The following NLRP7 variants were observed in gnomAD, a reference collection of about 807,000 sequenced individuals.
NLRP7 encodes NACHT, LRR and PYD domains-containing protein 7.
Under a neutral mutation model 85.5 loss-of-function variants are expected in NLRP7, and 72 were observed. The observed-to-expected ratio is 0.84, with a 90% confidence interval of 0.70 to 1.02. The LOEUF (loss-of-function observed/expected upper bound fraction) is 1.02. NLRP7 is among the 50% of genes least tolerant of loss of function. NLRP7 has a pLI of 0.00. For synonymous variants in NLRP7, 550 were observed against 505.2 expected, an observed-to-expected ratio of 1.09 and a Z score of -1.19; for missense variants, 1,243 against 1,219.5, an observed-to-expected ratio of 1.02 and a Z score of -0.29.
chr19:54,930,997 C>T (rs1602127358), intron 8 of NLRP7, among the ~76,000 whole-genome samples: 2 of 151,094 alleles, frequency 1.3e-5, no homozygotes, highest in Admixed American at 6.6e-5. Context: ...CACTCCAGCC[C>T]GGGCGACAGA....
intron 8 of NLRP7, among the ~76,000 whole-genome samples, chr19:54,931,315 T>C (rs963729757): frequency 2.6e-5 from 4 of 151,414 alleles, no homozygotes; most frequent in African/African-American, 9.7e-5. Context: ...TCTCAGCACT[T>C]TGGGAGACCA....
intron 1 of NLRP7, among the ~76,000 whole-genome samples, chr19:54,959,141 C>CTTTTTTTTTTTTTTTTTTTTTTTTTTT (rs74177888): frequency 7.4e-6 from 1 of 134,670 alleles, no homozygotes; most frequent in Non-Finnish European, 1.6e-5. Flanking sequence ...TTTTCTTTTT[C>CTTTTTTTTTTTTTTTTTTTTTTTTTTT]TTTTTTTTTT....
intron 1 of NLRP7, chr19:54,953,472 C>A (rs1375981167): frequency 3.3e-5 from 5 of 152,052 alleles, no homozygotes; most frequent in Non-Finnish European, 5.9e-5. Flanking sequence ...CTATAGATAA[C>A]CGATTAGGTC....
exon 8 of NLRP7, chr19:54,933,702 C>T (rs1206008319): frequency 6.2e-7 from 1 of 1,614,176 alleles, no homozygotes; most frequent in East Asian, 2.2e-5. Flanking sequence ...GCAGCAAGGT[C>T]CTTGCAACTG....
chr19:54,931,216 GT>G (rs1274763510), intron 8 of NLRP7, among the ~76,000 whole-genome samples: 1 of 152,070 alleles, frequency 6.6e-6, no homozygotes, highest in Admixed American at 6.6e-5. Flanking sequence ...GAGGTCAGGA[GT>G]TCAAGACCAG....
chr19:54,942,360 A>G (rs2069272239), intron 1 of NLRP7, among the ~76,000 whole-genome samples: 1 of 151,932 alleles, frequency 6.6e-6, no homozygotes, highest in East Asian at 1.9e-4. Context: ...ATGTACCTAT[A>G]CCAACGTCCA....
chr19:54,927,688 C>T (rs2068504544), intron 9 of NLRP7: 3 of 1,614,132 alleles, frequency 1.9e-6, no homozygotes, highest in Non-Finnish European at 2.5e-6. Flanking sequence ...GATTCTGGCC[C>T]AGGTCCAGAG....
At chr19:54,958,824 A>G (rs953246281) in intron 1 of NLRP7, among the ~76,000 whole-genome samples, 11 of 152,114 alleles carry the variant, frequency 7.2e-5, no homozygotes, top group Admixed American at 2.0e-4. Flanking sequence ...TCGAGTGCAC[A>G]GTTTCTGTCC....
At chr19:54,938,819 G>T (rs1368699490) in intron 4 of NLRP7, 69 bp downstream of exon 4, 2 of 1,552,606 alleles carry the variant, frequency 1.3e-6, no homozygotes, top group Non-Finnish European at 1.8e-6. Context: ...AATTCTGACA[G>T]TAAGCGACAG....
At chr19:54,944,596 CTT>C (rs2069385514) in intron 1 of NLRP7, among the ~76,000 whole-genome samples, 1 of 152,010 alleles carries the variant, frequency 6.6e-6, no homozygotes, top group African/African-American at 2.4e-5. Context: ...GTGTCTCTTT[CTT>C]TTCTCAGTCT....
chr19:54,962,220 C>A (rs1487192615), intron 1 of NLRP7, among the ~76,000 whole-genome samples: 2 of 149,524 alleles, frequency 1.3e-5, no homozygotes, highest in African/African-American at 4.9e-5. Flanking sequence ...AGTCTGAAAA[C>A]TGCTCCTGCA....
rs922644779 is a variant in NLRP7, at chr19:54,934,708, C to A, written c.2301-49G>T. 7 of 1,484,094 alleles carry A rather than the reference C, an allele frequency of 4.7e-6. No homozygotes were observed. In the African/African-American group the frequency reaches 8.5e-5, roughly 18 times the overall value. 91.9% of individuals were successfully genotyped at this position (1,484,094 alleles called of 1,614,324 possible). On this transcript the variant is annotated intron_variant, in intron 6 of 9. Transcript: ENST00000340844. This position sits in a 1 kb window ranked among gnomAD's most constrained non-coding sequence, Gnocchi z 6.7. ...ATTCTTCTGGGAGGACAGAGTATAC[C>A]CTATCAGCTTTTTTTTTTTGAGACA...
intron 1 of NLRP7, among the ~76,000 whole-genome samples, chr19:54,961,230 G>A (rs1026896323): frequency 3.3e-5 from 5 of 152,084 alleles, no homozygotes; most frequent in African/African-American, 1.2e-4. Context: ...GGGGGAGTGG[G>A]CCAGGCACAG....
upstream of NLRP7, chr19:54,947,751 T>G: frequency 2.2e-6 from 2 of 905,618 alleles, no homozygotes; most frequent in Non-Finnish European, 3.1e-6. Context: ...TAATGTGCAA[T>G]TCCCTTCCTA....
At chr19:54,931,479 C>T (rs993615416) in intron 8 of NLRP7, among the ~76,000 whole-genome samples, 1 of 152,028 alleles carries the variant, frequency 6.6e-6, no homozygotes, top group Admixed American at 6.6e-5. Flanking sequence ...CACCTGAGGT[C>T]GGGAGTTCAA....
chr19:54,940,908 A>G (rs1189326061), intron 3 of NLRP7, 23 bp downstream of exon 3: 2 of 1,453,930 alleles, frequency 1.4e-6, no homozygotes, highest in Non-Finnish European at 1.9e-6. Context: ...CAAACTCATG[A>G]CCATAGGACC....
intron 1 of NLRP7, among the ~76,000 whole-genome samples, chr19:54,960,233 G>A (rs1163173800): frequency 1.3e-5 from 2 of 151,900 alleles, no homozygotes; most frequent in East Asian, 3.9e-4. Flanking sequence ...TCAGCTCACT[G>A]CAACCTCTGC....
In NLRP7 at chr19:54,934,405, G is replaced by A; in HGVS notation, c.2471+84C>T. 3 of 1,383,022 alleles carry A rather than the reference G, an allele frequency of 2.2e-6. No homozygotes were observed. The highest frequency in any genetic ancestry group is 3.1e-6 in the Non-Finnish European group (3 of 968,892). The allele number at this position is 1,383,022 out of a possible 1,614,324, so 85.7% of individuals were successfully genotyped here. ...TATTTCAGCAAGAGGCGCCACGTGG[G>A]TGGCGCAGTAAGTCAGGTGTTACCC... On this transcript the variant is annotated intron_variant, in intron 7 of 9. Coordinates refer to ENST00000340844, the Ensembl canonical transcript of NLRP7. This position sits in a 1 kb window ranked among gnomAD's most constrained non-coding sequence, Gnocchi z 6.7.
intron 8 of NLRP7, 152 bp from the exon 9 acceptor site, chr19:54,930,818 C>T (rs543814597): frequency 1.6e-4 from 109 of 699,338 alleles, no homozygotes; most frequent in Non-Finnish European, 2.3e-4. Context: ...CAGGTTCAAG[C>T]GATTCTTCTG....
Sources: allele counts gnomAD v4.1 joint callset (sites outside exome capture counted in the v4.1 genomes callset), GRCh38; gene constraint gnomAD v4.1.1; non-coding constraint Gnocchi (gnomAD v3.1); transcripts MANE v1.5; gene names NCBI Gene and HGNC (gene_info 2026-07-23, HGNC 2026-07-21).